HAT1: variants seen among roughly 807,000 people sequenced by gnomAD.
HAT1 encodes histone acetyltransferase 1, also known as histone acetyltransferase type B catalytic subunit.
A neutral mutation model predicts 56.6 loss-of-function variants in HAT1; 20 were observed. The ratio of observed to expected loss-of-function variants is 0.35; its 90% CI spans 0.25 to 0.51. The LOEUF (loss-of-function observed/expected upper bound fraction) is 0.51. Among genes scored for constraint, HAT1 ranks in the 20% least tolerant of loss-of-function variants. HAT1 has a pLI of 0.95. For synonymous variants in HAT1, 146 were observed against 165.5 expected (o/e 0.88, Z 0.91); for missense variants, 408 against 504.3 (o/e 0.81, Z 1.83).
intron 2 of HAT1, among the ~76,000 whole-genome samples, chr2:171,941,560 C>T (rs1195090531): frequency 2.6e-5 from 4 of 152,178 alleles, no homozygotes; most frequent in Non-Finnish European, 5.9e-5. Flanking sequence ...TCAGCTCCAC[C>T]TCAGATCATC....
At chr2:171,929,283 A>G (rs1391687897) in intron 2 of HAT1, among the ~76,000 whole-genome samples, 4 of 151,952 alleles carry the variant, frequency 2.6e-5, no homozygotes, top group Non-Finnish European at 4.4e-5. Context: ...TCATGTATTC[A>G]CATCTTTTGC....
chr2:171,944,263 C>G (rs1250746122), intron 2 of HAT1, among the ~76,000 whole-genome samples: 1 of 152,114 alleles, frequency 6.6e-6, no homozygotes, highest in East Asian at 1.9e-4. Context: ...CCACATGCAA[C>G]TTTTCCCCTA....
At chr2:171,960,396 A>G (rs1687544244) in intron 4 of HAT1, among the ~76,000 whole-genome samples, 1 of 152,194 alleles carries the variant, frequency 6.6e-6, no homozygotes, top group African/African-American at 2.4e-5. Context: ...GAAACAATAA[A>G]AAAATTTTAT....
intron 2 of HAT1, among the ~76,000 whole-genome samples, chr2:171,927,633 G>A (rs1237423126): frequency 1.3e-5 from 2 of 152,144 alleles, no homozygotes; most frequent in African/African-American, 2.4e-5. Context: ...CAGTCGCCCA[G>A]GTAGAGTGCA....
chr2:171,946,470 T>A (rs984967275), intron 2 of HAT1, among the ~76,000 whole-genome samples: 11 of 152,248 alleles, frequency 7.2e-5, no homozygotes, highest in African/African-American at 2.7e-4. Flanking sequence ...GCCTTCTGAT[T>A]CTTAGAATAA....
chr2:171,958,586 C>A (rs1216964818), intron 4 of HAT1, among the ~76,000 whole-genome samples: 2 of 152,072 alleles, frequency 1.3e-5, no homozygotes, highest in African/African-American at 4.8e-5. Context: ...CCGTACCCAG[C>A]CTTCTCCTGT....
intron 2 of HAT1, among the ~76,000 whole-genome samples, chr2:171,932,334 G>T (rs547262409): frequency 6.6e-6 from 1 of 152,074 alleles, no homozygotes; most frequent in Non-Finnish European, 1.5e-5. Flanking sequence ...GGAAGAATTT[G>T]TATAAGACTG....
intron 4 of HAT1, among the ~76,000 whole-genome samples, chr2:171,961,101 C>A (rs1687562553): frequency 6.6e-6 from 1 of 152,102 alleles, no homozygotes; most frequent in Non-Finnish European, 1.5e-5. Context: ...GAGTTCGCGC[C>A]ACTGTACTCC....
At chr2:171,940,456 C>T (rs1255091800) in intron 2 of HAT1, among the ~76,000 whole-genome samples, 11 of 152,112 alleles carry the variant, frequency 7.2e-5, no homozygotes, top group Non-Finnish European at 1.5e-4. Flanking sequence ...CTTTTGAATT[C>T]GAGCCTCTCC....
At chr2:171,978,277 G>A (rs558089184) in intron 9 of HAT1, among the ~76,000 whole-genome samples, 1 of 152,090 alleles carries the variant, frequency 6.6e-6, no homozygotes, top group East Asian at 1.9e-4. Context: ...AAACTGCTAG[G>A]CTCAAGCGAT....
chr2:171,964,399 G>A (rs1292412184), intron 4 of HAT1, among the ~76,000 whole-genome samples: 3 of 152,066 alleles, frequency 2.0e-5, no homozygotes, highest in East Asian at 3.9e-4. Context: ...TAAAAACCTG[G>A]CCTCATTGTT....
Position 171,976,240 on chromosome 2 carries a change from GA to G in HAT1, c.912del (p.Lys304AsnfsTer2). Reference protein sequence around the residue: ...LCQDLPCFSREKLMQGFNEDM... With the variant: ...LCQDLPCFSRXKLMQGFNEDM... ...TCAAGATTTGCCCTGTTTTTCCCGGGAAAAATTAATGCAAGGATTCAATGAA... is the reference window on the plus strand; with the variant it reads ...TCAAGATTTGCCCTGTTTTTCCCGGGAAAATTAATGCAAGGATTCAATGAA... On this transcript the variant is annotated frameshift_variant, in exon 9 of 11. Coordinates refer to ENST00000264108, the MANE Select transcript of HAT1 (RefSeq NM_003642.4). LOFTEE classifies it high-confidence loss of function. 1.9e-6 allele frequency: 3 copies of G among 1,594,452 alleles called. No individual in the cohort carries two copies. Among genetic ancestry groups the G allele is most frequent in the East Asian group, 2.3e-5 (1 of 44,050 alleles).
chr2:171,976,132 A>G, intron 8 of HAT1, 25 bp from the exon 9 acceptor site: 1 of 1,312,772 alleles, frequency 7.6e-7, no homozygotes, highest in South Asian at 1.6e-5. Context: ...GGAAATGTTA[A>G]TATTATTCTG....
In HAT1 at chr2:171,953,626, T is replaced by TAAAAAAAAAAAAAAAAAA. The variant is rs587686867; in HGVS notation, c.309+637_309+654dup. Among the ~76,000 whole-genome samples the TAAAAAAAAAAAAAAAAAA allele has an allele frequency of 1.8e-4, 15 of 84,604 alleles. 1 individual carries two copies. Among genetic ancestry groups the TAAAAAAAAAAAAAAAAAA allele is most frequent in the South Asian group, 9.3e-4 (2 of 2,146 alleles). 55.5% of individuals were successfully genotyped at this position (84,604 alleles called of 152,430 possible). On this transcript the variant is annotated intron_variant, in intron 4 of 10. Transcript: ENST00000264108. ...GGCAACAGAACAAGACCCTGTCTCT[T>TAAAAAAAAAAAAAAAAAA]AAAAAAAAAAAAAAAAAAAAAAAAA... is the stretch of plus-strand genomic sequence containing the variant.
At position 171,983,283 on chromosome 2, in the gene HAT1, G is replaced by A. The variant is rs147538755; in HGVS notation, c.1191G>A (p.Gln397=). ...NQIEISMQHE[Q]LEESFQELVE... is the part of the protein sequence containing the mutation. ...TAGAAATAAGCATGCAACATGAACA[G>A]CTGGAAGAGAGTTTTCAGGAACTAG... Residue 397 remains glutamine, a synonymous_variant, in exon 11 of 11, where the codon CAG becomes CAA. Transcript: ENST00000264108. The A allele has an allele frequency of 1.9e-6, 3 of 1,606,280 alleles. No homozygotes were observed. Among genetic ancestry groups the A allele is most frequent in the African/African-American group, 2.7e-5 (2 of 74,760 alleles).
intron 4 of HAT1, among the ~76,000 whole-genome samples, chr2:171,959,594 C>T (rs950122974): frequency 6.6e-6 from 1 of 152,126 alleles, no homozygotes; most frequent in East Asian, 1.9e-4. Context: ...ATTTATATTG[C>T]GTATTCAAAC....
rs201250821 is a variant in HAT1, at chr2:171,983,253, C to T, written c.1161C>T (p.Asn387=). The T allele has an allele frequency of 2.4e-5, 39 of 1,602,716 alleles. No individual in the cohort carries two copies. The highest frequency in any genetic ancestry group is 3.4e-5 in the Admixed American group (2 of 59,434). Residue 387 remains asparagine (N), a synonymous_variant, in exon 11 of 11, where the codon AAC becomes AAT. Coordinates refer to ENST00000264108, the MANE Select transcript of HAT1 (RefSeq NM_003642.4). The part of the protein sequence containing the change: ...LRPEELTNQM[N]QIEISMQHEQ... ...CAGAAGAACTGACAAACCAGATGAA[C>T]CAAATAGAAATAAGCATGCAACATG...
chr2:171,925,610 T>G lies in HAT1; in HGVS notation c.81T>G (p.Cys27Trp), dbSNP rs1428166110. Reference protein sequence around the residue: ...AVEKKLAEYKCNTNTAIELKL... With the variant: ...AVEKKLAEYKWNTNTAIELKL... Reference sequence around the variant, plus strand: ...AGAAGAAACTGGCAGAGTACAAATGTAACACCAACACAGCAATTGAACTAA... The same window carrying G: ...AGAAGAAACTGGCAGAGTACAAATGGAACACCAACACAGCAATTGAACTAA... Residue 27 changes from cysteine to tryptophan, a missense_variant, in exon 2 of 11, where the codon TGT becomes TGG. Coordinates refer to ENST00000264108, the MANE Select transcript of HAT1 (RefSeq NM_003642.4). 3 of 1,558,490 alleles carry G rather than the reference T, an allele frequency of 1.9e-6. No homozygotes were observed. The highest frequency in any genetic ancestry group is 1.8e-6 in the Non-Finnish European group (2 of 1,129,384).
intron 8 of HAT1, among the ~76,000 whole-genome samples, chr2:171,974,296 C>T (rs1687908430): frequency 6.7e-6 from 1 of 148,548 alleles, no homozygotes; most frequent in African/African-American, 2.5e-5. Flanking sequence ...TTTTGCACTA[C>T]TTTTGTTAAC....
Sources: allele counts gnomAD v4.1 joint callset (sites outside exome capture counted in the v4.1 genomes callset), GRCh38; gene constraint gnomAD v4.1.1; transcripts MANE v1.5; gene names NCBI Gene and HGNC (gene_info 2026-07-23, HGNC 2026-07-21).